Variants in WNK2 observed in about 807,000 individuals in gnomAD.
WNK2 encodes the protein WNK lysine deficient protein kinase 2.
WNK2 carries 67 observed loss-of-function variants against 192.1 expected under a neutral mutation model. That is an observed-to-expected ratio of 0.35 (90% CI 0.29 to 0.43). The LOEUF (loss-of-function observed/expected upper bound fraction) is 0.43. Ranked by LOEUF, WNK2 falls within the 20% of genes least tolerant of loss-of-function variation. WNK2 has a pLI of 1.00. For synonymous variants in WNK2, 1,439 were observed against 1,393.9 expected, an observed-to-expected ratio of 1.03 and a Z score of -0.72; for missense variants, 2,698 against 3,089.7, an observed-to-expected ratio of 0.87 and a Z score of 3.01.
chr9:93,220,824 G>A lies in WNK2; in HGVS notation c.682-8872G>A, dbSNP rs567972352. ...GTGCTGCCCCAGCATCAGACCCCAG[G>A]TGGTCCACAGTCCTGTCAGCTGCAC... On this transcript the variant is annotated intron_variant, in intron 2 of 29. Transcript: ENST00000427277. 8.5e-5 allele frequency among the ~76,000 whole-genome samples: 13 copies of A among 152,326 alleles called. No homozygotes were observed. In the South Asian group the frequency reaches 2.5e-3, roughly 29 times the overall value.
rs372869551 is a variant in WNK2, at chr9:93,247,495, G to A, written c.1543-48G>A. The A allele has an allele frequency of 3.4e-3, 5,382 of 1,579,328 alleles. 44 individuals are homozygous for A. The highest frequency in any genetic ancestry group is 0.018 in the South Asian group (1,564 of 86,094). On this transcript the variant is annotated intron_variant, in intron 7 of 29. Transcript: ENST00000427277. The surrounding 1 kb of genome is among the most constrained non-coding windows in gnomAD (Gnocchi z 5.2). ...GCACTTTAGGTAAGGGGTGTGGGCCGGTGAGGGCTGATCCCCAGCGATGCT... is the reference window on the plus strand; with the variant it reads ...GCACTTTAGGTAAGGGGTGTGGGCCAGTGAGGGCTGATCCCCAGCGATGCT...
At position 93,258,997 on chromosome 9, in the gene WNK2, C is replaced by T. The variant is rs1159182093; in HGVS notation, c.2449C>T (p.Leu817Phe). 3 of 1,613,004 alleles carry T rather than the reference C, an allele frequency of 1.9e-6. No individual in the cohort carries two copies. Among genetic ancestry groups the T allele is most frequent in the East Asian group, 2.2e-5 (1 of 44,846 alleles). ...GGGAATCGACGGCCTCCCTCCGGCC[C>T]TCCCAGACCTGCCGACCGCGACTGT... ...LAGIDGLPPA[L>F]PDLPTATVPP... Residue 817 changes from leucine (L) to phenylalanine (F), a missense_variant, in exon 12 of 30, where the codon CTC becomes TTC. Transcript: ENST00000427277.
chr9:93,223,094 A>T (rs1399361081), intron 2 of WNK2, among the ~76,000 whole-genome samples: 1 of 152,230 alleles, frequency 6.6e-6, no homozygotes, highest in Non-Finnish European at 1.5e-5. Flanking sequence ...TTGGATTTAA[A>T]GGAAGTGAGT....
chr9:93,185,100 G>A lies in WNK2; in HGVS notation c.171G>A (p.Leu57=). 2 of 1,314,658 alleles carry A rather than the reference G, an allele frequency of 1.5e-6. No homozygotes were observed. The highest frequency in any genetic ancestry group is 3.4e-5 in the East Asian group (1 of 29,310). 81.4% of individuals were successfully genotyped at this position (1,314,658 alleles called of 1,614,324 possible). A position where few individuals can be genotyped will look rare whatever the true frequency, so the allele number is the denominator to read the frequency against. Reference sequence around the variant, plus strand: ...CGGACCAGGAGGAGCCGCCGGGCTTGGAGGCAGCCGAGGCGCCGGGCCCGC... The same window carrying A: ...CGGACCAGGAGGAGCCGCCGGGCTTAGAGGCAGCCGAGGCGCCGGGCCCGC... ...VESDQEEPPG[L]EAAEAPGPQP... The change falls in exon 2 of 30, where the codon TTG becomes TTA. Residue 57 remains leucine (L), a synonymous_variant. Coordinates refer to ENST00000427277, the MANE Select transcript of WNK2 (RefSeq NM_006648.4).
intron 26 of WNK2, among the ~76,000 whole-genome samples, chr9:93,305,269 C>T (rs1352022313): frequency 1.3e-5 from 2 of 152,220 alleles, no homozygotes; most frequent in Non-Finnish European, 2.9e-5. Context: ...AATTGGTGCT[C>T]ACCCAGTGCC....
At chr9:93,285,152 G>A (rs953241948) in intron 19 of WNK2, among the ~76,000 whole-genome samples, 2 of 152,156 alleles carry the variant, frequency 1.3e-5, no homozygotes, top group Non-Finnish European at 2.9e-5. Flanking sequence ...GGGCTAAATA[G>A]CAGTTATTTC....
chr9:93,256,015 A>G (rs1368720874), intron 9 of WNK2, among the ~76,000 whole-genome samples: 2 of 152,072 alleles, frequency 1.3e-5, no homozygotes, highest in South Asian at 2.1e-4. Flanking sequence ...GCCTTTCTGT[A>G]TGGTTCTGCA....
intron 27 of WNK2, 150 bp downstream of exon 27, chr9:93,306,971 T>A: frequency 1.1e-6 from 1 of 931,910 alleles, no homozygotes; most frequent in Non-Finnish European, 1.7e-6. Context: ...CGGGCACTGC[T>A]TCGCTTCTGC....
At position 93,297,840 on chromosome 9, in the gene WNK2, T is replaced by TCCCCTCCTGC. The variant is rs780253046; in HGVS notation, c.5709-12_5709-3dup. The TCCCCTCCTGC allele has an allele frequency of 1.4e-5, 22 of 1,564,644 alleles. No homozygotes were observed. Among genetic ancestry groups the TCCCCTCCTGC allele is most frequent in the Non-Finnish European group, 1.7e-5 (20 of 1,156,380 alleles). On this transcript the variant is annotated splice_polypyrimidine_tract_variant and intron_variant, in intron 23 of 29. Transcript: ENST00000427277. ...GGAAGCCCATCGGCGCTCCCTCCTG[T>TCCCCTCCTGC]CCCCTCCTGCAGGCACCTGAAGGAG...
Position 93,184,963 on chromosome 9 carries a change from G to T in WNK2, c.34G>T (p.Gly12Cys), listed in dbSNP as rs1272518502. Reference sequence around the variant, plus strand: ...CGATGGCGGCCGCCGAGACGTCCCCGGCACGCTGATGGAGCCCGGGCGCGG... The same window carrying T: ...CGATGGCGGCCGCCGAGACGTCCCCTGCACGCTGATGGAGCCCGGGCGCGG... ...DGDGGRRDVP[G>C]TLMEPGRGAG... The change falls in exon 2 of 30, where the codon GGC becomes TGC. Residue 12 changes from glycine to cysteine, a missense_variant. By Grantham distance (159) the Gly-to-Cys change is radical (BLOSUM62 -3). Around this residue, in one of 7 missense-constraint regions of WNK2, gnomAD observed 260 missense variants for 285.6 expected, o/e 0.91. Transcript: ENST00000427277. 4.0e-6 allele frequency: 5 copies of T among 1,235,788 alleles called. No individual in the cohort carries two copies. Among genetic ancestry groups the T allele is most frequent in the Non-Finnish European group, 4.0e-6 (4 of 992,064 alleles). 76.6% of individuals were successfully genotyped at this position (1,235,788 alleles called of 1,614,324 possible). A position where few individuals can be genotyped will look rare whatever the true frequency, so the allele number is the denominator to read the frequency against.
chr9:93,184,823 G>C (rs1828982116), intron 1 of WNK2, 105 bp from the exon 2 acceptor site: 1 of 1,045,830 alleles, frequency 9.6e-7, no homozygotes, highest in African/African-American at 1.7e-5. Context: ...TCCGCGGCCG[G>C]GGCTGGGCAG....
chr9:93,276,933 G>A (rs1174631779), intron 19 of WNK2, among the ~76,000 whole-genome samples: 2 of 152,138 alleles, frequency 1.3e-5, no homozygotes, highest in Admixed American at 6.5e-5. Flanking sequence ...CTACTCAGGA[G>A]GCTGAGGCAG....
At chr9:93,302,357 A>T (rs889483947) in intron 26 of WNK2, among the ~76,000 whole-genome samples, 1 of 151,886 alleles carries the variant, frequency 6.6e-6, no homozygotes, top group African/African-American at 2.4e-5. Flanking sequence ...TATGGAAGAC[A>T]CCGAGGGGTC....
At chr9:93,288,544 A>G (rs1848796655) in intron 19 of WNK2, among the ~76,000 whole-genome samples, 1 of 152,160 alleles carries the variant, frequency 6.6e-6, no homozygotes, top group African/African-American at 2.4e-5. Flanking sequence ...AAGGGACACT[A>G]TGGGAACAGG....
chr9:93,238,095 G>C (rs1008766885), intron 5 of WNK2, 138 bp from the exon 6 acceptor site: 1 of 703,374 alleles, frequency 1.4e-6, no homozygotes, highest in African/African-American at 1.8e-5. Flanking sequence ...ATTTTGCCCA[G>C]TTTTCTAGTA....
chr9:93,297,371 G>T (rs1850777555), intron 23 of WNK2, among the ~76,000 whole-genome samples: 1 of 152,220 alleles, frequency 6.6e-6, no homozygotes, highest in African/African-American at 2.4e-5. Flanking sequence ...GCCCCTGGAA[G>T]TCAGTGAGCG....
At position 93,259,787 on chromosome 9, in the gene WNK2, A is replaced by G. The variant is rs1264851778; in HGVS notation, c.3066+173A>G. Among the ~76,000 whole-genome samples, 1 of 152,190 alleles carries G rather than the reference A, an allele frequency of 6.6e-6. No homozygotes were observed. The highest frequency in any genetic ancestry group is 1.5e-5 in the Non-Finnish European group (1 of 68,022). On this transcript the variant is annotated intron_variant, in intron 12 of 29. Coordinates refer to ENST00000427277, the MANE Select transcript of WNK2 (RefSeq NM_006648.4). The surrounding 1 kb of genome is among the most constrained non-coding windows in gnomAD (Gnocchi z 4.8). The stretch of plus-strand genomic sequence containing the variant: ...GCGGGGGCTGGCGCCAGCGCGAGGC[A>G]TCTGCATCTCTTCCGTTTTCCGAAT...
chr9:93,203,029 A>G (rs1056176312), intron 2 of WNK2, among the ~76,000 whole-genome samples: 2 of 149,868 alleles, frequency 1.3e-5, no homozygotes, highest in African/African-American at 4.9e-5. Context: ...AGTGGGTGGC[A>G]GTGGAGGATG....
At chr9:93,211,257 T>TCCACTCACTTATTCACTTACACATTCAC (rs373643754) in intron 2 of WNK2, among the ~76,000 whole-genome samples, 1 of 3,190 alleles carries the variant, frequency 3.1e-4, no homozygotes, top group Non-Finnish European at 6.3e-4. Flanking sequence ...CACTCACTCA[T>TCCACTCACTTATTCACTTACACATTCAC]TCACTCATTC....
Sources: gnomAD v4.1 joint callset for allele counts (sites outside exome capture counted in the v4.1 genomes callset) on GRCh38, gnomAD v4.1.1 for gene constraint, gnomAD v4.1.1 regional missense constraint, Gnocchi (gnomAD v3.1) non-coding constraint, MANE v1.5 for transcripts, NCBI Gene and HGNC (gene_info 2026-07-23, HGNC 2026-07-21) for gene names.